ROBO2: variants seen among roughly 807,000 people sequenced by gnomAD.
ROBO2 encodes the protein roundabout homolog 2.
A neutral mutation model predicts 160.8 loss-of-function variants in ROBO2; 53 were observed. That is an observed-to-expected ratio of 0.33 (90% CI 0.26 to 0.41). The LOEUF (loss-of-function observed/expected upper bound fraction) is 0.41, where lower values mean the gene tolerates loss of function less well. ROBO2 is among the 10% of genes least tolerant of loss of function. The pLI is 1.00. For missense variants in ROBO2, 1,577 were observed against 1,722.4 expected (o/e 0.92, Z 1.49); for synonymous variants, 664 against 611.7 (o/e 1.09, Z -1.26).
chr3:77,432,933 T>C (rs2078923837), intron 2 of ROBO2, among the ~76,000 whole-genome samples: 1 of 152,158 alleles, frequency 6.6e-6, no homozygotes, highest in African/African-American at 2.4e-5. Context: ...TCACAGGACA[T>C]AGTCTAAGAG....
intron 2 of ROBO2, among the ~76,000 whole-genome samples, chr3:77,168,548 C>A (rs2079320417): frequency 6.6e-6 from 1 of 152,168 alleles, no homozygotes; most frequent in Non-Finnish European, 1.5e-5. Flanking sequence ...CTCACACTTA[C>A]TGTCATAGTT....
At chr3:77,422,941 T>C in intron 2 of ROBO2, among the ~76,000 whole-genome samples, 1 of 152,176 alleles carries the variant, frequency 6.6e-6, no homozygotes, top group East Asian at 1.9e-4. Flanking sequence ...AAATTACTAT[T>C]TTTCATTGTT....
chr3:76,809,673 C>T (rs2065009571), intron 2 of ROBO2, among the ~76,000 whole-genome samples: 1 of 152,052 alleles, frequency 6.6e-6, no homozygotes, highest in African/African-American at 2.4e-5. Flanking sequence ...GCAAAGACAC[C>T]TTCTAACCTT....
chr3:77,167,928 C>A (rs1015204427), intron 2 of ROBO2, among the ~76,000 whole-genome samples: 1 of 152,100 alleles, frequency 6.6e-6, no homozygotes, highest in Non-Finnish European at 1.5e-5. Flanking sequence ...TAAAACTTAG[C>A]AGGCAAAAAT....
chr3:77,176,239 A>G (rs1044524046), intron 2 of ROBO2, among the ~76,000 whole-genome samples: 1 of 152,088 alleles, frequency 6.6e-6, no homozygotes, highest in Non-Finnish European at 1.5e-5. Context: ...TAATTCATCC[A>G]AAATCTCTAA....
intron 1 of ROBO2, among the ~76,000 whole-genome samples, chr3:75,923,311 G>A (rs1947146737): frequency 6.6e-6 from 1 of 152,188 alleles, no homozygotes; most frequent in South Asian, 2.1e-4. Flanking sequence ...AAGCATGCAT[G>A]GGCATGAAAT....
In ROBO2 at chr3:75,946,373, C is replaced by G. The variant is rs1317153096; in HGVS notation, c.109+8771C>G. ...CTATTTATAGAAAGCCTACCAGGCACTAGGGGATATAGCAGTGAAGAAGGC... is the reference window on the plus strand; with the variant it reads ...CTATTTATAGAAAGCCTACCAGGCAGTAGGGGATATAGCAGTGAAGAAGGC... On this transcript the variant is annotated intron_variant, in intron 2 of 26. Transcript: ENST00000487694. 5.9e-5 allele frequency among the ~76,000 whole-genome samples: 9 copies of G among 151,952 alleles called. No homozygotes were observed. In the East Asian group the frequency reaches 1.4e-3, roughly 23 times the overall value.
At chr3:76,255,582 A>G (rs1050696834) in intron 2 of ROBO2, among the ~76,000 whole-genome samples, 1 of 151,708 alleles carries the variant, frequency 6.6e-6, no homozygotes, top group Non-Finnish European at 1.5e-5. Flanking sequence ...CTTTATAACT[A>G]CTATTTTACT....
intron 2 of ROBO2, among the ~76,000 whole-genome samples, chr3:76,314,808 G>C (rs1022519118): frequency 6.6e-6 from 1 of 152,068 alleles, no homozygotes; most frequent in African/African-American, 2.4e-5. Flanking sequence ...TCAACAGTGG[G>C]TTATTAGTGG....
intron 2 of ROBO2, among the ~76,000 whole-genome samples, chr3:75,998,508 A>G (rs2065792520): frequency 6.6e-6 from 1 of 152,202 alleles, no homozygotes; most frequent in South Asian, 2.1e-4. Flanking sequence ...TTTACAGGGA[A>G]CACATATTTC....
chr3:76,001,320 CTAAA>C (rs2065880352), intron 2 of ROBO2, among the ~76,000 whole-genome samples: 1 of 152,072 alleles, frequency 6.6e-6, no homozygotes, highest in Non-Finnish European at 1.5e-5. Context: ...AAATTCCAAG[CTAAA>C]TAGTCATTAT....
exon 4 of ROBO2, chr3:77,481,198 C>A: frequency 6.3e-7 from 1 of 1,577,860 alleles, no homozygotes; most frequent in Non-Finnish European, 8.6e-7. Flanking sequence ...GGACAGTGAC[C>A]CAGCAGAGCT....
chr3:77,153,493 G>A (rs554938269), intron 2 of ROBO2, among the ~76,000 whole-genome samples: 32 of 152,140 alleles, frequency 2.1e-4, no homozygotes, highest in African/African-American at 6.0e-4. Context: ...TTAGAAGTGT[G>A]TAATTTCTGA....
At chr3:76,059,609 A>C (rs896365214) in intron 2 of ROBO2, among the ~76,000 whole-genome samples, 10 of 151,780 alleles carry the variant, frequency 6.6e-5, no homozygotes, top group Non-Finnish European at 1.5e-5. Flanking sequence ...TTGCCTGTTC[A>C]CTCTGATGGT....
chr3:76,169,116 CAT>C (rs1371624457), intron 2 of ROBO2, among the ~76,000 whole-genome samples: 3 of 152,004 alleles, frequency 2.0e-5, no homozygotes, highest in Non-Finnish European at 4.4e-5. Flanking sequence ...ATTCAAAAAA[CAT>C]AAATTTTCTT....
At chr3:76,032,062 A>G (rs1002703717) in intron 2 of ROBO2, among the ~76,000 whole-genome samples, 4 of 152,068 alleles carry the variant, frequency 2.6e-5, no homozygotes, top group East Asian at 3.9e-4. Flanking sequence ...CAGACATTCA[A>G]CTTCTTCCTG....
At position 77,315,237 on chromosome 3, in the gene ROBO2, C is replaced by T. The variant is rs187388134; in HGVS notation, c.389-162177C>T. Among the ~76,000 whole-genome samples the T allele has an allele frequency of 2.5e-4, 38 of 152,236 alleles. No homozygotes were observed. The East Asian group carries it at 2.7e-3, about 11-fold the overall frequency. ...CTTAGAATAACTACATAAATAGAAG[C>T]ATGGTAAGTGTAACTGTACATAAAC... On this transcript the variant is annotated intron_variant, in intron 2 of 25. Transcript: ENST00000461745.
At chr3:77,471,025 G>A (rs1480987867) in intron 2 of ROBO2, among the ~76,000 whole-genome samples, 1 of 152,070 alleles carries the variant, frequency 6.6e-6, no homozygotes, top group African/African-American at 2.4e-5. Flanking sequence ...GGTTGTGGAT[G>A]GTATTCTTTA....
At chr3:76,914,361 A>C (rs1019903498) in intron 2 of ROBO2, among the ~76,000 whole-genome samples, 1 of 152,210 alleles carries the variant, frequency 6.6e-6, no homozygotes, top group East Asian at 1.9e-4. Context: ...TTAAAATACA[A>C]TCTCAGAATT....
Sources: allele counts gnomAD v4.1 joint callset (sites outside exome capture counted in the v4.1 genomes callset), GRCh38; gene constraint gnomAD v4.1.1; transcripts MANE v1.5; gene names NCBI Gene and HGNC (gene_info 2026-07-23, HGNC 2026-07-21).